XPO6: variants seen among roughly 807,000 people sequenced by gnomAD.
The protein encoded by XPO6 is exportin-6.
In XPO6, 3 loss-of-function variants were observed where a neutral mutation model predicts 130.0. The ratio of observed to expected loss-of-function variants is 0.02; its 90% CI spans 0.01 to 0.06. The LOEUF (loss-of-function observed/expected upper bound fraction) is 0.06. Among genes scored for constraint, XPO6 ranks in the 10% least tolerant of loss-of-function variants. The probability of loss-of-function intolerance (pLI) is 1.00; values close to 1 mark genes in which losing one functional copy is unlikely to be tolerated. For synonymous variants in XPO6, 524 were observed against 548.9 expected (o/e 0.95, Z 0.63); for missense variants, 970 against 1,393.0 (o/e 0.70, Z 4.83).
At chr16:28,112,812 G>A in intron 16 of XPO6, 92 bp downstream of exon 16, 1 of 1,491,436 alleles carries the variant, frequency 6.7e-7, no homozygotes, top group South Asian at 1.3e-5. Flanking sequence ...TAAGCTCTGA[G>A]TACAAAATCA....
At chr16:28,134,324 G>A (rs2042733664) in intron 10 of XPO6, among the ~76,000 whole-genome samples, 2 of 152,178 alleles carry the variant, frequency 1.3e-5, no homozygotes, top group East Asian at 1.9e-4. Flanking sequence ...GCCAGCAAAC[G>A]CATCCCCTGG....
At chr16:28,199,431 T>C (rs1033028015) in intron 1 of XPO6, among the ~76,000 whole-genome samples, 2 of 148,172 alleles carry the variant, frequency 1.3e-5, no homozygotes, top group African/African-American at 2.5e-5. Context: ...CCCACCACCA[T>C]GTCCAGCTAA....
Position 28,101,804 on chromosome 16 carries a change from A to G in XPO6, c.3045+43T>C, listed in dbSNP as rs1471791633. 1 of 1,603,650 alleles carries G rather than the reference A, an allele frequency of 6.2e-7. No individual in the cohort carries two copies. Among genetic ancestry groups the G allele is most frequent in the South Asian group, 1.1e-5 (1 of 90,270 alleles). On this transcript the variant is annotated intron_variant, in intron 22 of 23. Transcript: ENST00000304658. The surrounding 1 kb of genome is among the most constrained non-coding windows in gnomAD (Gnocchi z 5.4). ...ACCTGAGGGTGGGACACAGGCCACA[A>G]TGCCCCTGATGGAAGAATATTTCCA...
At chr16:28,098,726 G>A (rs1567585565) in intron 23 of XPO6, 87 bp from the exon 24 acceptor site, 1 of 961,288 alleles carries the variant, frequency 1.0e-6, no homozygotes. Flanking sequence ...CCCAGAGTGT[G>A]CACTGAAGAT....
rs187059599 is a variant in XPO6, at chr16:28,112,061, G to A, written c.2152-55C>T. 4.9e-5 allele frequency: 76 copies of A among 1,545,476 alleles called. No homozygotes were observed. The East Asian group carries it at 1.4e-3, about 29-fold the overall frequency. ...AGGTCAGAGCCAAAGACCGTGGTGC[G>A]GCATGCCCAACACAGCCTTCAGCAC... is the stretch of plus-strand genomic sequence containing the variant. On this transcript the variant is annotated intron_variant, in intron 16 of 23. Transcript: ENST00000304658.
chr16:28,177,328 C>T lies in XPO6; in HGVS notation c.99G>A (p.Glu33=), dbSNP rs948045004. The change falls in exon 3 of 24, where the codon GAG becomes GAA. Residue 33 remains glutamate (E), a synonymous_variant. Coordinates refer to ENST00000304658, the MANE Select transcript of XPO6 (RefSeq NM_015171.4). ...TTNERKREIE[E]LLNNFAQQIG... is the part of the protein sequence containing the mutation. Reference sequence around the variant, plus strand: ...TTTGCTGGGCAAAGTTATTAAGAAGCTCCTCTGGAAAAGTTAAATGGCAAC... The same window carrying T: ...TTTGCTGGGCAAAGTTATTAAGAAGTTCCTCTGGAAAAGTTAAATGGCAAC... 4.4e-6 allele frequency: 7 copies of T among 1,608,280 alleles called. No homozygotes were observed. Among genetic ancestry groups the T allele is most frequent in the East Asian group, 2.2e-5 (1 of 44,802 alleles).
intron 7 of XPO6, chr16:28,153,219 G>A: frequency 2.0e-6 from 2 of 993,460 alleles, no homozygotes; most frequent in Non-Finnish European, 2.4e-6. Context: ...GGCTACGAAG[G>A]GCATGGCATC....
chr16:28,154,281 C>T (rs922855325), intron 7 of XPO6: 7 of 891,396 alleles, frequency 7.9e-6, no homozygotes, highest in Non-Finnish European at 6.4e-6. Flanking sequence ...AAAAAAAAAG[C>T]CATGGGCTAA....
intron 1 of XPO6, among the ~76,000 whole-genome samples, chr16:28,205,859 G>A (rs2044020419): frequency 6.6e-6 from 1 of 151,850 alleles, no homozygotes; most frequent in South Asian, 2.1e-4. Context: ...CCAACATAGT[G>A]AAACCCCATC....
At chr16:28,199,480 T>C (rs567506173) in intron 1 of XPO6, among the ~76,000 whole-genome samples, 35 of 152,202 alleles carry the variant, frequency 2.3e-4, no homozygotes, top group African/African-American at 8.2e-4. Context: ...TTTCGCCATG[T>C]TGGTCAGGCT....
At chr16:28,138,628 G>A (rs763857853) in intron 9 of XPO6, among the ~76,000 whole-genome samples, 2 of 152,124 alleles carry the variant, frequency 1.3e-5, no homozygotes, top group Admixed American at 6.5e-5. Flanking sequence ...CTCAGCAAGA[G>A]AGCACTGGGT....
chr16:28,142,609 C>T (rs750914199), intron 9 of XPO6, among the ~76,000 whole-genome samples: 1 of 152,040 alleles, frequency 6.6e-6, no homozygotes, highest in Non-Finnish European at 1.5e-5. Context: ...CTTGCTCTGT[C>T]GCCCAGGCTG....
intron 6 of XPO6, among the ~76,000 whole-genome samples, chr16:28,160,078 G>A (rs1337521506): frequency 1.3e-5 from 2 of 150,530 alleles, no homozygotes; most frequent in Non-Finnish European, 2.9e-5. Context: ...CCAGCTACTC[G>A]GGAGGCTGGG....
intron 6 of XPO6, among the ~76,000 whole-genome samples, chr16:28,163,298 G>A (rs983167609): frequency 2.6e-5 from 4 of 152,212 alleles, no homozygotes; most frequent in African/African-American, 9.7e-5. Context: ...TAAGAGTTTG[G>A]GAGGAAACAG....
intron 13 of XPO6, among the ~76,000 whole-genome samples, chr16:28,125,215 C>A (rs1283562757): frequency 6.6e-6 from 1 of 152,172 alleles, no homozygotes; most frequent in Admixed American, 6.5e-5. Flanking sequence ...CTGGAAAAAA[C>A]ACAAAAAGCA....
chr16:28,099,554 C>T (rs1203198187), intron 23 of XPO6, among the ~76,000 whole-genome samples: 1 of 152,256 alleles, frequency 6.6e-6, no homozygotes, highest in Non-Finnish European at 1.5e-5. Flanking sequence ...GGTCTGCCTC[C>T]TGCTTCGCAG....
At chr16:28,122,137 G>A (rs1288988429) in intron 13 of XPO6, among the ~76,000 whole-genome samples, 1 of 152,062 alleles carries the variant, frequency 6.6e-6, no homozygotes, top group African/African-American at 2.4e-5. Flanking sequence ...AATACATCGT[G>A]AATGTTCATC....
chr16:28,101,367 A>G lies in XPO6; in HGVS notation c.3276+91T>C. ...CAGGGTGGGCACAGACCACGCCCAGAGGCCTCAATGTGCCCCCTCCTTGCT... is the reference window on the plus strand; with the variant it reads ...CAGGGTGGGCACAGACCACGCCCAGGGGCCTCAATGTGCCCCCTCCTTGCT... On this transcript the variant is annotated intron_variant, in intron 23 of 23. Coordinates refer to ENST00000304658, the MANE Select transcript of XPO6 (RefSeq NM_015171.4). The surrounding 1 kb of genome is among the most constrained non-coding windows in gnomAD (Gnocchi z 5.4). 1 of 1,147,482 alleles carries G rather than the reference A, an allele frequency of 8.7e-7. No individual in the cohort carries two copies. The highest frequency in any genetic ancestry group is 1.3e-6 in the Non-Finnish European group (1 of 768,804). 71.1% of individuals were successfully genotyped at this position (1,147,482 alleles called of 1,614,324 possible).
At chr16:28,121,276 C>G (rs2087229661) in intron 14 of XPO6, among the ~76,000 whole-genome samples, 1 of 152,208 alleles carries the variant, frequency 6.6e-6, no homozygotes, top group African/African-American at 2.4e-5. Context: ...CCTACAGTAT[C>G]CTACAGTTTT....
Sources: allele counts gnomAD v4.1 joint callset (sites outside exome capture counted in the v4.1 genomes callset), GRCh38; gene constraint gnomAD v4.1.1; non-coding constraint Gnocchi (gnomAD v3.1); transcripts MANE v1.5; gene names NCBI Gene and HGNC (gene_info 2026-07-23, HGNC 2026-07-21).